The following JMY variants were observed in gnomAD, a reference collection of about 807,000 sequenced individuals.
JMY encodes junction mediating and regulatory protein, p53 cofactor.
In JMY, 46 loss-of-function variants were observed where a neutral mutation model predicts 103.3. The ratio of observed to expected loss-of-function variants is 0.45; its 90% CI spans 0.35 to 0.57. The LOEUF is 0.57. Ranked by LOEUF, JMY falls within the 20% of genes least tolerant of loss-of-function variation. The probability of loss-of-function intolerance (pLI) is 0.00; values close to 1 mark genes in which losing one functional copy is unlikely to be tolerated. For missense variants in JMY, 1,238 were observed against 1,255.2 expected, an observed-to-expected ratio of 0.99 and a Z score of 0.21; for synonymous variants, 526 against 489.3, an observed-to-expected ratio of 1.07 and a Z score of -0.99.
chr5:79,300,982 G>A, intron 6 of JMY, 119 bp downstream of exon 6: 2 of 769,834 alleles, frequency 2.6e-6, no homozygotes, highest in Non-Finnish European at 4.1e-6. Flanking sequence ...TCTCTTATCA[G>A]TGCTCAATGC....
At position 79,314,765 on chromosome 5, in the gene JMY, C is replaced by A; in HGVS notation, c.2573C>A (p.Pro858His). ...EKRIPKSASA[P>H]SAHLFDSSQL... ...AGGATCCCAAAGTCAGCCAGTGCCC[C>A]CTCAGCACACCTCTTTGACAGCAGC... The change falls in exon 9 of 11, where the codon CCC becomes CAC. Residue 858 changes from proline (P) to histidine (H), a missense_variant. Coordinates refer to ENST00000396137, the MANE Select transcript of JMY (RefSeq NM_152405.5). 2 of 1,613,422 alleles carry A rather than the reference C, an allele frequency of 1.2e-6. No homozygotes were observed. Among genetic ancestry groups the A allele is most frequent in the South Asian group, 2.2e-5 (2 of 90,980 alleles).
At chr5:79,248,734 C>T (rs1331187691) in intron 1 of JMY, among the ~76,000 whole-genome samples, 1 of 151,960 alleles carries the variant, frequency 6.6e-6, no homozygotes, top group African/African-American at 2.4e-5. Context: ...TAATTTCTTA[C>T]TTTATTTTCA....
intron 1 of JMY, among the ~76,000 whole-genome samples, chr5:79,265,918 T>G (rs987895443): frequency 5.9e-5 from 9 of 152,096 alleles, no homozygotes; most frequent in Admixed American, 2.6e-4. Context: ...GTAGCTGGGA[T>G]TACTGGCATA....
At chr5:79,309,942 T>C (rs1430346590) in intron 7 of JMY, among the ~76,000 whole-genome samples, 1 of 151,894 alleles carries the variant, frequency 6.6e-6, no homozygotes, top group Non-Finnish European at 1.5e-5. Context: ...AAGATTTTGG[T>C]GGAGGGGAAG....
chr5:79,253,855 T>C (rs1745161666), intron 1 of JMY, among the ~76,000 whole-genome samples: 1 of 151,808 alleles, frequency 6.6e-6, no homozygotes, highest in Admixed American at 6.6e-5. Flanking sequence ...TTTGTAGAAA[T>C]GGGGTTTTGC....
intron 1 of JMY, among the ~76,000 whole-genome samples, chr5:79,273,876 C>G (rs944980257): frequency 6.6e-6 from 1 of 151,792 alleles, no homozygotes; most frequent in East Asian, 1.9e-4. Context: ...TGTTGCCCAT[C>G]CTGGAGTGCA....
intron 1 of JMY, among the ~76,000 whole-genome samples, chr5:79,239,354 G>A (rs1744661153): frequency 6.6e-6 from 1 of 152,204 alleles, no homozygotes; most frequent in African/African-American, 2.4e-5. Context: ...ATTCTCAGAA[G>A]TGTTTGGTTA....
intron 1 of JMY, among the ~76,000 whole-genome samples, chr5:79,269,730 T>G (rs1011382428): frequency 6.6e-6 from 1 of 152,020 alleles, no homozygotes; most frequent in Admixed American, 6.6e-5. Flanking sequence ...ATTTTATTTT[T>G]TATTTATTTT....
chr5:79,320,968 T>C (rs1308183804), intron 10 of JMY, among the ~76,000 whole-genome samples: 1 of 152,214 alleles, frequency 6.6e-6, no homozygotes. Context: ...AAATAGTACT[T>C]ACTGTTTTAG....
intron 4 of JMY, among the ~76,000 whole-genome samples, chr5:79,296,472 T>C (rs1746566559): frequency 6.6e-6 from 1 of 152,206 alleles, no homozygotes; most frequent in South Asian, 2.1e-4. Context: ...CCTTATGCTG[T>C]CCAAGGTTTT....
chr5:79,273,829 TTTTTTTC>T (rs1241866689), intron 1 of JMY, among the ~76,000 whole-genome samples: 2 of 152,124 alleles, frequency 1.3e-5, no homozygotes, highest in Admixed American at 6.6e-5. Context: ...CTTTTTTGTT[TTTTTTTC>T]TTTTTTCTTT....
At chr5:79,255,128 C>T (rs926384645) in intron 1 of JMY, among the ~76,000 whole-genome samples, 13 of 139,826 alleles carry the variant, frequency 9.3e-5, no homozygotes, top group African/African-American at 1.4e-4. Context: ...TCTCTCTCTC[C>T]TTTTTTTTGA....
chr5:79,246,219 GCTTA>G (rs1744895345), intron 1 of JMY, among the ~76,000 whole-genome samples: 2 of 152,082 alleles, frequency 1.3e-5, no homozygotes, highest in African/African-American at 4.8e-5. Context: ...CAAAGTGAAT[GCTTA>G]CTTATTAAAA....
chr5:79,283,200 G>C (rs1746173373), intron 2 of JMY, among the ~76,000 whole-genome samples: 1 of 151,752 alleles, frequency 6.6e-6, no homozygotes, highest in African/African-American at 2.4e-5. Flanking sequence ...TCCATGTTAG[G>C]CTGGTCTTGA....
chr5:79,283,607 G>T (rs1312619684), intron 2 of JMY, among the ~76,000 whole-genome samples: 2 of 152,158 alleles, frequency 1.3e-5, no homozygotes, highest in African/African-American at 4.8e-5. Flanking sequence ...CAGATTCTAA[G>T]TCTACTACAT....
In JMY at chr5:79,323,061, A is replaced by C. The variant is rs1251381200; in HGVS notation, c.*1459A>C. ...TTTCTGGCAACAGGTTATGTAAGAC[A>C]ACAACTTTTTTTATTATTTCAAAAC... On this transcript the variant is annotated 3_prime_UTR_variant, in exon 11 of 11. Transcript: ENST00000396137. The C allele has an allele frequency of 7.0e-6, 1 of 142,042 alleles. No individual in the cohort carries two copies. Among genetic ancestry groups the C allele is most frequent in the Non-Finnish European group, 1.5e-5 (1 of 65,072 alleles). The allele number at this position is 142,042 out of a possible 1,614,324, so 8.8% of individuals were successfully genotyped here.
intron 1 of JMY, among the ~76,000 whole-genome samples, chr5:79,248,819 G>A (rs1382860325): frequency 1.3e-5 from 2 of 151,928 alleles, no homozygotes; most frequent in Non-Finnish European, 2.9e-5. Context: ...CAGTGGTGCC[G>A]TCATGGCTCA....
intron 9 of JMY, 45 bp downstream of exon 9, chr5:79,314,896 G>A (rs1317376414): frequency 6.8e-7 from 1 of 1,480,638 alleles, no homozygotes; most frequent in East Asian, 2.3e-5. Context: ...ATGACATCAG[G>A]CATAGTAAAA....
chr5:79,264,950 G>GC (rs1434298718), intron 1 of JMY, among the ~76,000 whole-genome samples: 4 of 152,056 alleles, frequency 2.6e-5, no homozygotes, highest in African/African-American at 9.6e-5. Context: ...AGAGTCTTGC[G>GC]CTATCACTGT....
Sources: gnomAD v4.1 joint callset for allele counts (sites outside exome capture counted in the v4.1 genomes callset) on GRCh38, gnomAD v4.1.1 for gene constraint, MANE v1.5 for transcripts, NCBI Gene and HGNC (gene_info 2026-07-23, HGNC 2026-07-21) for gene names.